Variants in MINDY3 observed in about 807,000 individuals in gnomAD.
MINDY3 encodes MINDY lysine 48 deubiquitinase 3.
A neutral mutation model predicts 69.2 loss-of-function variants in MINDY3; 38 were observed. That is an observed-to-expected ratio of 0.55 (90% CI 0.42 to 0.72). The LOEUF (loss-of-function observed/expected upper bound fraction) is 0.72, where lower values mean the gene tolerates loss of function less well. Ranked by LOEUF, MINDY3 falls within the 30% of genes least tolerant of loss-of-function variation. The pLI, the probability that MINDY3 is intolerant of heterozygous loss-of-function variation, is 0.00. For missense variants in MINDY3, 522 were observed against 519.0 expected (o/e 1.01, Z -0.06); for synonymous variants, 192 against 180.1 (o/e 1.07, Z -0.53).
At chr10:15,787,562 G>C (rs1009895392) in intron 12 of MINDY3, among the ~76,000 whole-genome samples, 1 of 152,192 alleles carries the variant, frequency 6.6e-6, no homozygotes. Context: ...GTTACCAGGT[G>C]TGCCTTTCAC....
intron 4 of MINDY3, among the ~76,000 whole-genome samples, chr10:15,840,704 T>C (rs1833409603): frequency 2.0e-5 from 3 of 151,612 alleles, no homozygotes; most frequent in Non-Finnish European, 4.4e-5. Context: ...ACTAGCAAGA[T>C]TATTCCTGAA....
rs1250726728 is a variant in MINDY3 at position 15,791,636 on chromosome 10, G to A, written c.956-2317C>T. ...GATTGTGGCTGAAAGGAGGAAAAAA[G>A]CTGTTGGTTTAAAATTTTAAAAGAT... On this transcript the variant is annotated intron_variant, in intron 11 of 14. Coordinates refer to ENST00000277632, the MANE Select transcript of MINDY3 (RefSeq NM_024948.4). Among the ~76,000 whole-genome samples, 4 of 151,972 alleles carry A rather than the reference G, an allele frequency of 2.6e-5. No individual in the cohort carries two copies. In the South Asian group the frequency reaches 8.3e-4, roughly 32 times the overall value.
intron 10 of MINDY3, among the ~76,000 whole-genome samples, chr10:15,803,808 T>C (rs543513522): frequency 2.0e-4 from 30 of 152,046 alleles, no homozygotes; most frequent in African/African-American, 7.0e-4. Context: ...CTAACAAATG[T>C]ACACTAATCC....
intron 14 of MINDY3, among the ~76,000 whole-genome samples, chr10:15,781,700 A>T (rs1219566601): frequency 3.3e-5 from 5 of 152,104 alleles, no homozygotes; most frequent in Non-Finnish European, 7.4e-5. Flanking sequence ...CTTCCTTCAT[A>T]AGGTGCTGTG....
intron 9 of MINDY3, among the ~76,000 whole-genome samples, chr10:15,821,132 T>C (rs1041537119): frequency 3.3e-5 from 5 of 152,218 alleles, no homozygotes; most frequent in Non-Finnish European, 7.3e-5. Flanking sequence ...GAGAGTTCCA[T>C]GGCAGTTCCT....
intron 1 of MINDY3, among the ~76,000 whole-genome samples, chr10:15,852,287 A>G (rs1248252294): frequency 6.6e-6 from 1 of 152,138 alleles, no homozygotes; most frequent in African/African-American, 2.4e-5. Context: ...TTTGGCATGG[A>G]AGATAATGGC....
At chr10:15,848,084 C>G in intron 1 of MINDY3, 141 bp from the exon 2 acceptor site, 1 of 673,430 alleles carries the variant, frequency 1.5e-6, no homozygotes, top group Non-Finnish European at 2.6e-6. Flanking sequence ...GATCAAGGAA[C>G]CTTTTGAAAA....
intron 10 of MINDY3, among the ~76,000 whole-genome samples, chr10:15,816,279 AATG>A (rs1564488681): frequency 3.6e-5 from 5 of 140,330 alleles, no homozygotes; most frequent in African/African-American, 1.6e-4. Flanking sequence ...AAAAAAAAAA[AATG>A]AAAAAGAAAA....
At chr10:15,847,964 G>GA (rs1484456586) in intron 1 of MINDY3, 21 bp from the exon 2 acceptor site, 42 of 1,586,214 alleles carry the variant, frequency 2.6e-5, no homozygotes, top group Non-Finnish European at 3.4e-5. Context: ...AAGCAAGTAG[G>GA]AAAGATTAAA....
At chr10:15,837,080 A>G in intron 6 of MINDY3, 124 bp downstream of exon 6, 1 of 584,490 alleles carries the variant, frequency 1.7e-6, no homozygotes, top group Non-Finnish European at 3.0e-6. Context: ...CTCATTTTCA[A>G]CGTAAAAGAT....
At chr10:15,857,489 G>A (rs1419431151) in intron 1 of MINDY3, among the ~76,000 whole-genome samples, 1 of 152,122 alleles carries the variant, frequency 6.6e-6, no homozygotes, top group African/African-American at 2.4e-5. Flanking sequence ...TTTGTGGGAA[G>A]GGGGGAGGAT....
intron 4 of MINDY3, among the ~76,000 whole-genome samples, chr10:15,839,218 T>C (rs918036309): frequency 6.6e-6 from 1 of 151,774 alleles, no homozygotes; most frequent in South Asian, 2.1e-4. Context: ...TGTCACATTA[T>C]GCTAGCTTTC....
chr10:15,824,928 T>C (rs1451034265), intron 8 of MINDY3, among the ~76,000 whole-genome samples: 1 of 152,216 alleles, frequency 6.6e-6, no homozygotes, highest in Non-Finnish European at 1.5e-5. Context: ...AAACAGAATA[T>C]ATACTTAACA....
intron 2 of MINDY3, among the ~76,000 whole-genome samples, chr10:15,847,214 G>C (rs1177947986): frequency 6.6e-6 from 1 of 152,084 alleles, no homozygotes; most frequent in Non-Finnish European, 1.5e-5. Context: ...TCAATTCTTG[G>C]TTTTAACAAT....
Position 15,789,274 on chromosome 10 carries a change from G to A in MINDY3, c.1001C>T (p.Ala334Val), listed in dbSNP as rs779492710. The part of the protein sequence containing the change: ...PDSLLEDVMK[A>V]LDLVSDPEYI... Reference sequence around the variant, plus strand: ...TTCAGGATCTGAAACAAGGTCCAATGCTTTCATCACATCTTCCAGAAGTGA... The same window carrying A: ...TTCAGGATCTGAAACAAGGTCCAATACTTTCATCACATCTTCCAGAAGTGA... The change falls in exon 12 of 15, where the codon GCA (alanine) becomes GTA (valine). Residue 334 changes from alanine (A) to valine (V), a missense_variant. Transcript: ENST00000277632. The A allele has an allele frequency of 3.7e-6, 6 of 1,611,474 alleles. No homozygotes were observed. The South Asian group carries it at 5.5e-5, about 15-fold the overall frequency.
At chr10:15,789,201 T>C (rs773587123) in intron 12 of MINDY3, 46 bp downstream of exon 12, 7 of 1,478,110 alleles carry the variant, frequency 4.7e-6, no homozygotes, top group African/African-American at 1.4e-5. Context: ...TTAAACTTAA[T>C]CGAATCTTTT....
In MINDY3 at chr10:15,834,111, G is replaced by T. The variant is rs1303839722; in HGVS notation, c.651-402C>A. Among the ~76,000 whole-genome samples, 4 of 152,082 alleles carry T rather than the reference G, an allele frequency of 2.6e-5. No individual in the cohort carries two copies. The East Asian group carries it at 5.8e-4, about 22-fold the overall frequency. Reference sequence around the variant, plus strand: ...TAAAAAGAAGGACTCACGTATTAGAGTAGGTTAACTATCACTGTTTCATTG... The same window carrying T: ...TAAAAAGAAGGACTCACGTATTAGATTAGGTTAACTATCACTGTTTCATTG... On this transcript the variant is annotated intron_variant, in intron 7 of 14. Transcript: ENST00000277632.
chr10:15,799,996 A>G (rs992517395), intron 10 of MINDY3, among the ~76,000 whole-genome samples: 4 of 152,156 alleles, frequency 2.6e-5, no homozygotes, highest in Non-Finnish European at 5.9e-5. Context: ...AAGAACTAAG[A>G]AGCGAGTACA....
rs549681937 is a variant in MINDY3, at chr10:15,843,220, T to C, written c.227A>G (p.Asp76Gly). 2.5e-5 allele frequency: 41 copies of C among 1,612,596 alleles called. No individual in the cohort carries two copies. In the African/African-American group the frequency reaches 5.5e-4, roughly 22 times the overall value. Residue 76 changes from aspartate to glycine, a missense_variant, in exon 3 of 15, where the codon GAT becomes GGT. Physicochemically the swap from Asp to Gly is moderately conservative, Grantham distance 94 (BLOSUM62 -1). Transcript: ENST00000277632. ...AAAGACAGCTATCATACCTGAACAA[T>C]CCCGCCAAGAAGACTTCTCCGAAGA... ...LFSSEKSSWR[D>G]CSEEEQKELL...
Sources: gnomAD v4.1 joint callset for allele counts (sites outside exome capture counted in the v4.1 genomes callset) on GRCh38, gnomAD v4.1.1 for gene constraint, MANE v1.5 for transcripts, NCBI Gene and HGNC (gene_info 2026-07-23, HGNC 2026-07-21) for gene names.